PTTG1IP: variants seen among roughly 807,000 people sequenced by gnomAD.
PTTG1IP encodes pituitary tumor-transforming gene 1 protein-interacting protein.
PTTG1IP carries 16 observed loss-of-function variants against 24.4 expected under a neutral mutation model. The observed-to-expected ratio is 0.66, with a 90% CI of 0.44 to 1.00. The LOEUF (loss-of-function observed/expected upper bound fraction) is 1.00, where lower values mean the gene tolerates loss of function less well. PTTG1IP is among the 50% of genes least tolerant of loss of function. The pLI, the probability that PTTG1IP is intolerant of heterozygous loss-of-function variation, is 0.00. For synonymous variants in PTTG1IP, 89 were observed against 96.8 expected (o/e 0.92, Z 0.47); for missense variants, 241 against 245.8 (o/e 0.98, Z 0.13).
At chr21:44,871,690 A>C (rs1310668153) in intron 1 of PTTG1IP, among the ~76,000 whole-genome samples, 1 of 152,144 alleles carries the variant, frequency 6.6e-6, no homozygotes, top group Non-Finnish European at 1.5e-5. Flanking sequence ...CCAAGCAAGT[A>C]CTCTGTGGGA....
intron 1 of PTTG1IP, among the ~76,000 whole-genome samples, chr21:44,867,159 G>A (rs2083548128): frequency 6.6e-6 from 1 of 152,188 alleles, no homozygotes; most frequent in Non-Finnish European, 1.5e-5. Flanking sequence ...CTCGTATCAA[G>A]GGATCTTCTG....
Position 44,851,519 on chromosome 21 carries a change from C to G in PTTG1IP, c.*62G>C. 6.2e-7 allele frequency: 1 copy of G among 1,613,952 alleles called. No individual in the cohort carries two copies. ...CCGCAATGGCCACGTGGTCTCCCGG[C>G]TGGGCTGGGCTGCGGAGCGTGCACC... On this transcript the variant is annotated 3_prime_UTR_variant, in exon 6 of 6. Transcript: ENST00000330938.
chr21:44,861,965 C>T (rs1007748457), intron 2 of PTTG1IP: 18 of 655,592 alleles, frequency 2.7e-5, no homozygotes, highest in East Asian at 5.5e-5. Flanking sequence ...GATGCAACTA[C>T]GGCTCAGCCC....
intron 3 of PTTG1IP, among the ~76,000 whole-genome samples, chr21:44,859,324 T>C (rs1476274096): frequency 6.6e-6 from 1 of 152,378 alleles, no homozygotes; most frequent in South Asian, 2.1e-4. Flanking sequence ...CTGGAAGTCC[T>C]ACCTACTTTG....
At chr21:44,867,351 G>A (rs958535309) in intron 1 of PTTG1IP, among the ~76,000 whole-genome samples, 7 of 151,926 alleles carry the variant, frequency 4.6e-5, no homozygotes, top group South Asian at 2.1e-4. Context: ...AGACCCTACC[G>A]TGTAATTTCG....
intron 2 of PTTG1IP, among the ~76,000 whole-genome samples, chr21:44,865,076 G>A (rs1403810854): frequency 6.6e-6 from 1 of 152,170 alleles, no homozygotes; most frequent in African/African-American, 2.4e-5. Flanking sequence ...ACAACCTGAG[G>A]GTGTAGCTTT....
chr21:44,854,892 G>A (rs918127477), intron 5 of PTTG1IP, among the ~76,000 whole-genome samples: 7 of 152,186 alleles, frequency 4.6e-5, no homozygotes, highest in African/African-American at 1.2e-4. Context: ...CTACGCAGGC[G>A]TGCCCACAGG....
intron 4 of PTTG1IP, among the ~76,000 whole-genome samples, 196 bp downstream of exon 4, chr21:44,855,997 G>C (rs1396112343): frequency 6.6e-6 from 1 of 152,202 alleles, no homozygotes; most frequent in East Asian, 1.9e-4. Flanking sequence ...ATAGAAGCAA[G>C]GTTCGCAGCC....
At chr21:44,870,792 T>C (rs574112276) in intron 1 of PTTG1IP, among the ~76,000 whole-genome samples, 1 of 152,226 alleles carries the variant, frequency 6.6e-6, no homozygotes, top group Non-Finnish European at 1.5e-5. Flanking sequence ...TCAGTCTCAT[T>C]TGTTTCCGAA....
intron 3 of PTTG1IP, among the ~76,000 whole-genome samples, chr21:44,857,939 G>C (rs1375586970): frequency 6.6e-6 from 1 of 152,198 alleles, no homozygotes; most frequent in African/African-American, 2.4e-5. Flanking sequence ...TTTCTGACTG[G>C]AGAACTCCAA....
At chr21:44,869,332 G>T (rs924187021) in intron 1 of PTTG1IP, among the ~76,000 whole-genome samples, 3 of 152,200 alleles carry the variant, frequency 2.0e-5, no homozygotes, top group African/African-American at 7.2e-5. Flanking sequence ...CAGTTATGAA[G>T]AAGAACAGCC....
chr21:44,856,509 C>A, intron 3 of PTTG1IP, 145 bp from the exon 4 acceptor site: 1 of 897,202 alleles, frequency 1.1e-6, no homozygotes, highest in South Asian at 1.8e-5. Context: ...TGGCTCCTGG[C>A]GTGTGGAGAG....
chr21:44,856,851 G>C (rs2083453486), intron 3 of PTTG1IP, among the ~76,000 whole-genome samples: 1 of 152,108 alleles, frequency 6.6e-6, no homozygotes, highest in Non-Finnish European at 1.5e-5. Context: ...TAGACTCTCA[G>C]GGCACATACT....
chr21:44,852,766 A>G (rs1268647313), intron 5 of PTTG1IP, among the ~76,000 whole-genome samples: 1 of 152,148 alleles, frequency 6.6e-6, no homozygotes, highest in Non-Finnish European at 1.5e-5. Context: ...GTCTACTTCC[A>G]GTTTAGAGGG....
At chr21:44,867,350 C>T (rs1200052399) in intron 1 of PTTG1IP, among the ~76,000 whole-genome samples, 1 of 151,646 alleles carries the variant, frequency 6.6e-6, no homozygotes, top group African/African-American at 2.4e-5. Flanking sequence ...AAGACCCTAC[C>T]GTGTAATTTC....
intron 1 of PTTG1IP, among the ~76,000 whole-genome samples, chr21:44,866,611 G>A (rs543062814): frequency 1.2e-5 from 1 of 84,396 alleles, no homozygotes; most frequent in African/African-American, 4.7e-5. Flanking sequence ...CACACACACA[G>A]ACTGCGTACT....
Position 44,873,638 on chromosome 21 carries a change from G to C in PTTG1IP, c.-22C>G, listed in dbSNP as rs1049822086. ...CCATGGTCGGCCGGTCGCTCTATCA[G>C]TCAGTGGAGCGTTACAACTCCGACT... On this transcript the variant is annotated 5_prime_UTR_variant, in exon 1 of 6. Transcript: ENST00000330938. 2 of 1,398,996 alleles carry C rather than the reference G, an allele frequency of 1.4e-6. No individual in the cohort carries two copies. The highest frequency in any genetic ancestry group is 1.9e-6 in the Non-Finnish European group (2 of 1,077,504). The allele number at this position is 1,398,996 out of a possible 1,614,324, so 86.7% of individuals were successfully genotyped here. A position where few individuals can be genotyped will look rare whatever the true frequency, so the allele number is the denominator to read the frequency against.
chr21:44,856,483 G>A (rs1440647595), intron 3 of PTTG1IP, 119 bp from the exon 4 acceptor site: 4 of 1,158,790 alleles, frequency 3.5e-6, no homozygotes, highest in African/African-American at 1.6e-5. Context: ...GAGGAAAGCC[G>A]CCTCGGCCAG....
At position 44,864,679 on chromosome 21, in the gene PTTG1IP, G is replaced by A. The variant is rs956699983; in HGVS notation, c.168+716C>T. ...CCCAAAGTGCTGGGATTACAGGCGT[G>A]AGCCACTGCACCCAGCCCTGTTCAC... On this transcript the variant is annotated intron_variant, in intron 2 of 5. Transcript: ENST00000330938. 2.0e-5 allele frequency among the ~76,000 whole-genome samples: 3 copies of A among 152,290 alleles called. No homozygotes were observed. The East Asian group carries it at 5.8e-4, about 29-fold the overall frequency.
Sources: allele counts gnomAD v4.1 joint callset (sites outside exome capture counted in the v4.1 genomes callset), GRCh38; gene constraint gnomAD v4.1.1; transcripts MANE v1.5; gene names NCBI Gene and HGNC (gene_info 2026-07-23, HGNC 2026-07-21).